The following UBE2E2 variants were observed in gnomAD, a reference collection of about 807,000 sequenced individuals.
UBE2E2 encodes ubiquitin conjugating enzyme E2 E2.
A neutral mutation model predicts 24.7 loss-of-function variants in UBE2E2; 6 were observed. The ratio of observed to expected loss-of-function variants is 0.24; its 90% CI spans 0.13 to 0.48. The LOEUF (loss-of-function observed/expected upper bound fraction) is 0.48, where lower values mean the gene tolerates loss of function less well. UBE2E2 is among the 20% of genes least tolerant of loss of function. The pLI, the probability that UBE2E2 is intolerant of heterozygous loss-of-function variation, is 0.99. For synonymous variants in UBE2E2, 104 were observed against 83.6 expected, an observed-to-expected ratio of 1.24 and a Z score of -1.33; for missense variants, 169 against 245.0, an observed-to-expected ratio of 0.69 and a Z score of 2.07.
At chr3:23,542,983 A>G (rs1256975416) in intron 5 of UBE2E2, among the ~76,000 whole-genome samples, 1 of 152,180 alleles carries the variant, frequency 6.6e-6, no homozygotes, top group Non-Finnish European at 1.5e-5. Flanking sequence ...TATAAAGTCC[A>G]TTGCTCTCCC....
At chr3:23,524,859 CACACAG>C (rs1409584605) in intron 4 of UBE2E2, among the ~76,000 whole-genome samples, 2 of 142,066 alleles carry the variant, frequency 1.4e-5, no homozygotes, top group Non-Finnish European at 3.1e-5. Flanking sequence ...TACACACAGA[CACACAG>C]ACACACACAC....
chr3:23,449,695 G>A (rs769831149), intron 3 of UBE2E2, among the ~76,000 whole-genome samples: 4 of 152,204 alleles, frequency 2.6e-5, no homozygotes, highest in Non-Finnish European at 4.4e-5. Context: ...CTCAGGGGCA[G>A]ACAGAATCAA....
intron 3 of UBE2E2, among the ~76,000 whole-genome samples, chr3:23,332,898 T>G (rs1455388889): frequency 2.0e-5 from 3 of 152,170 alleles, no homozygotes; most frequent in Non-Finnish European, 4.4e-5. Context: ...CCTTGACACT[T>G]CTAAAAAGTG....
intron 5 of UBE2E2, among the ~76,000 whole-genome samples, chr3:23,541,656 T>C (rs1288112180): frequency 6.6e-6 from 1 of 152,182 alleles, no homozygotes; most frequent in Admixed American, 6.5e-5. Flanking sequence ...CATGAAGCTT[T>C]TATAAAGTTG....
chr3:23,439,135 A>G (rs6764347), intron 3 of UBE2E2, among the ~76,000 whole-genome samples: 23,369 of 152,212 alleles, frequency 0.15, 2,001 homozygotes, highest in South Asian at 0.24. Context: ...GAAATGTTTC[A>G]ATTTCTTGAC....
chr3:23,259,155 C>CAGCA (rs1015315531), intron 3 of UBE2E2, among the ~76,000 whole-genome samples: 1 of 152,072 alleles, frequency 6.6e-6, no homozygotes, highest in Non-Finnish European at 1.5e-5. Context: ...TATTACCAAC[C>CAGCA]AGCACTTCTG....
chr3:23,366,480 A>G (rs1257449340), intron 3 of UBE2E2, among the ~76,000 whole-genome samples: 2 of 152,212 alleles, frequency 1.3e-5, no homozygotes, highest in Non-Finnish European at 2.9e-5. Context: ...ATTAAAAAAG[A>G]ATGAGATCCT....
intron 3 of UBE2E2, among the ~76,000 whole-genome samples, chr3:23,400,083 G>A (rs953426045): frequency 5.9e-5 from 9 of 152,104 alleles, no homozygotes; most frequent in African/African-American, 1.9e-4. Flanking sequence ...AAATATTACC[G>A]TCATATACAA....
At chr3:23,299,231 C>T (rs527528370) in intron 3 of UBE2E2, among the ~76,000 whole-genome samples, 2 of 152,270 alleles carry the variant, frequency 1.3e-5, no homozygotes, top group African/African-American at 2.4e-5. Context: ...TTTCAAAAAA[C>T]CAGCTCCTGG....
chr3:23,222,053 T>G (rs1696664511), intron 3 of UBE2E2, among the ~76,000 whole-genome samples: 1 of 150,790 alleles, frequency 6.6e-6, no homozygotes, highest in Admixed American at 6.6e-5. Flanking sequence ...CTCTCTATTT[T>G]TGAGATCTAC....
chr3:23,376,859 A>G (rs954135114), intron 3 of UBE2E2, among the ~76,000 whole-genome samples: 73 of 152,184 alleles, frequency 4.8e-4, no homozygotes, highest in African/African-American at 1.6e-3. Context: ...CAACTCACAT[A>G]TGAGTTCTGA....
chr3:23,349,917 G>C (rs559035977), intron 3 of UBE2E2, among the ~76,000 whole-genome samples: 12 of 152,188 alleles, frequency 7.9e-5, no homozygotes, highest in East Asian at 1.9e-4. Context: ...ATCTGAGAAC[G>C]GGCAGACTGC....
At chr3:23,588,315 T>C (rs1245954752) in intron 5 of UBE2E2, among the ~76,000 whole-genome samples, 2 of 151,854 alleles carry the variant, frequency 1.3e-5, no homozygotes, top group Admixed American at 1.3e-4. Flanking sequence ...AGAGTGAAAT[T>C]AGAGAATTGG....
At chr3:23,335,587 G>A (rs1695183299) in intron 3 of UBE2E2, among the ~76,000 whole-genome samples, 2 of 152,326 alleles carry the variant, frequency 1.3e-5, no homozygotes, top group South Asian at 4.1e-4. Flanking sequence ...CTGTTGTGCA[G>A]TGGCACTATC....
At chr3:23,419,133 T>A (rs1697731687) in intron 3 of UBE2E2, among the ~76,000 whole-genome samples, 1 of 152,062 alleles carries the variant, frequency 6.6e-6, no homozygotes, top group Non-Finnish European at 1.5e-5. Context: ...TTTTTATTTT[T>A]ATGTTTTATT....
At chr3:23,518,753 C>T (rs1265546164) in intron 4 of UBE2E2, among the ~76,000 whole-genome samples, 2 of 152,160 alleles carry the variant, frequency 1.3e-5, no homozygotes, top group African/African-American at 2.4e-5. Context: ...CTGTCCCTGC[C>T]TCAGATTGTG....
intron 3 of UBE2E2, among the ~76,000 whole-genome samples, chr3:23,432,113 T>C (rs1698075349): frequency 6.6e-6 from 1 of 152,224 alleles, no homozygotes; most frequent in Non-Finnish European, 1.5e-5. Flanking sequence ...TTTCATTAAT[T>C]TCTCTTTCTA....
intron 3 of UBE2E2, among the ~76,000 whole-genome samples, chr3:23,289,994 G>T (rs889592316): frequency 1.3e-5 from 2 of 152,098 alleles, no homozygotes; most frequent in Non-Finnish European, 2.9e-5. Context: ...TGACTAAAGA[G>T]GACTCATTTA....
rs115774208 is a variant in UBE2E2 at position 23,395,291 on chromosome 3, C to T, written c.228-104317C>T. ...AGTCATTTCCGGATACCAACTAGGT[C>T]GCTTTGAGGTGGAGTTTCAGCACCT... On this transcript the variant is annotated intron_variant, in intron 3 of 5. Coordinates refer to ENST00000396703, the MANE Select transcript of UBE2E2 (RefSeq NM_152653.4). 4.9e-3 allele frequency among the ~76,000 whole-genome samples: 742 copies of T among 152,300 alleles called. 2 individuals carry two copies. The highest frequency in any genetic ancestry group is 0.01 in the Admixed American group (154 of 15,290).
Sources: allele counts gnomAD v4.1 joint callset (sites outside exome capture counted in the v4.1 genomes callset), GRCh38; gene constraint gnomAD v4.1.1; transcripts MANE v1.5; gene names NCBI Gene and HGNC (gene_info 2026-07-23, HGNC 2026-07-21).